The following KLHL2 variants were observed in gnomAD, a reference collection of about 807,000 sequenced individuals.
KLHL2 encodes kelch like family member 2.
In KLHL2, 15 loss-of-function variants were observed where a neutral mutation model predicts 75.8. That is an observed-to-expected ratio of 0.20 (90% CI 0.13 to 0.30). KLHL2 has a LOEUF of 0.30. Ranked by LOEUF, KLHL2 falls within the 10% of genes least tolerant of loss-of-function variation. The probability of loss-of-function intolerance (pLI) is 1.00; values close to 1 mark genes in which losing one functional copy is unlikely to be tolerated. For missense variants in KLHL2, 381 were observed against 741.0 expected (o/e 0.51, Z 5.64); for synonymous variants, 214 against 251.9 (o/e 0.85, Z 1.42).
Position 165,322,059 on chromosome 4 carries a change from G to A in KLHL2, c.1781G>A (p.Ter594=). The A allele has an allele frequency of 6.2e-7, 1 of 1,613,100 alleles. No individual in the cohort carries two copies. The highest frequency in any genetic ancestry group is 8.5e-7 in the Non-Finnish European group (1 of 1,179,192). Reference sequence around the variant, plus strand: ...GTCACAGTTATTGATAAACCATTATGAGCCTGAAGGACATTTTCAGCATAT... The same window carrying A: ...GTCACAGTTATTGATAAACCATTATAAGCCTGAAGGACATTTTCAGCATAT... The part of the protein sequence containing the change: ...AGVTVIDKPL[*] The change falls in exon 15 of 15, where the codon TGA becomes TAA. Residue 594 remains the stop codon, a stop_retained_variant. Transcript: ENST00000226725.
At chr4:165,250,642 C>T (rs1034546583) in intron 4 of KLHL2, among the ~76,000 whole-genome samples, 2 of 152,104 alleles carry the variant, frequency 1.3e-5, no homozygotes, top group African/African-American at 2.4e-5. Flanking sequence ...GCATTGAAAT[C>T]GTGTAAAAAT....
chr4:165,267,521 AG>A (rs1162459567), intron 5 of KLHL2, among the ~76,000 whole-genome samples: 1 of 152,172 alleles, frequency 6.6e-6, no homozygotes, highest in African/African-American at 2.4e-5. Flanking sequence ...TTTAGCATGA[AG>A]GGCTGTTGAA....
At chr4:165,256,169 A>G (rs1258209492) in intron 4 of KLHL2, among the ~76,000 whole-genome samples, 1 of 151,972 alleles carries the variant, frequency 6.6e-6, no homozygotes, top group Non-Finnish European at 1.5e-5. Context: ...GGTGTCTTCC[A>G]TTTCTCATGC....
rs547684188 is a variant in KLHL2 at position 165,309,950 on chromosome 4, A to G, written c.1040-603A>G. On this transcript the variant is annotated intron_variant, in intron 9 of 14. Transcript: ENST00000226725. ...TGAGTACAGGTTCAAGTAGTTGGAA[A>G]ATAATGGCTCATTATTTAAGCTTGT... Among the ~76,000 whole-genome samples the G allele has an allele frequency of 2.5e-3, 386 of 151,518 alleles. 1 individual carries two copies. The highest frequency in any genetic ancestry group is 4.5e-3 in the Non-Finnish European group (303 of 67,720).
intron 1 of KLHL2, among the ~76,000 whole-genome samples, chr4:165,216,351 C>T (rs1160051833): frequency 6.6e-6 from 1 of 152,144 alleles, no homozygotes; most frequent in Non-Finnish European, 1.5e-5. Flanking sequence ...CCTGGGAAAC[C>T]TCAACTATTT....
At chr4:165,239,029 A>C in intron 4 of KLHL2, 130 bp downstream of exon 4, 2 of 1,424,194 alleles carry the variant, frequency 1.4e-6, no homozygotes, top group East Asian at 2.5e-5. Flanking sequence ...ATTTCTAAAA[A>C]ATATTTGGAA....
chr4:165,320,008 AGGG>A (rs1746848541), intron 14 of KLHL2, among the ~76,000 whole-genome samples: 1 of 152,154 alleles, frequency 6.6e-6, no homozygotes, highest in Admixed American at 6.5e-5. Flanking sequence ...AATTTTGGAA[AGGG>A]GTTTGGCTCA....
At chr4:165,233,369 C>A (rs535201686) in intron 3 of KLHL2, among the ~76,000 whole-genome samples, 30 of 152,304 alleles carry the variant, frequency 2.0e-4, no homozygotes, top group African/African-American at 6.7e-4. Flanking sequence ...TTAACACATA[C>A]TTTGAGATTT....
rs1187799472 is a variant in KLHL2, at chr4:165,207,911, G to A, written c.26+9G>A. Reference sequence around the variant, plus strand: ...CCGCCGCTGCCTCCCGCGTGAGTGAGCGGGCGGGCGGGCTGCGCCGCTGCG... The same window carrying A: ...CCGCCGCTGCCTCCCGCGTGAGTGAACGGGCGGGCGGGCTGCGCCGCTGCG... On this transcript the variant is annotated intron_variant, in intron 1 of 14. Coordinates refer to ENST00000226725, the MANE Select transcript of KLHL2 (RefSeq NM_007246.4). The surrounding 1 kb of genome is among the most constrained non-coding windows in gnomAD (Gnocchi z 4.2). The A allele has an allele frequency of 5.0e-6, 7 of 1,412,886 alleles. No individual in the cohort carries two copies. In the South Asian group the frequency reaches 8.3e-5, roughly 17 times the overall value. 87.5% of individuals were successfully genotyped at this position (1,412,886 alleles called of 1,614,324 possible).
chr4:165,321,237 A>G (rs1579202348), intron 14 of KLHL2: 1 of 454,824 alleles, frequency 2.2e-6, no homozygotes, highest in African/African-American at 2.0e-5. Flanking sequence ...CTTCCCTTCC[A>G]CCTCCTCCAC....
intron 3 of KLHL2, among the ~76,000 whole-genome samples, chr4:165,233,209 A>G (rs1739054840): frequency 1.3e-5 from 2 of 152,242 alleles, no homozygotes; most frequent in Admixed American, 1.3e-4. Context: ...TCTGTGAAGT[A>G]GTCACAGGGT....
chr4:165,310,945 G>C (rs1246478145), intron 10 of KLHL2, among the ~76,000 whole-genome samples, 195 bp downstream of exon 10: 4 of 149,246 alleles, frequency 2.7e-5, no homozygotes, highest in Admixed American at 1.3e-4. Flanking sequence ...AGCTCCGCCT[G>C]CCGGGTTCAT....
chr4:165,239,016 T>C (rs1739588872), intron 4 of KLHL2, 117 bp downstream of exon 4: 1 of 1,462,852 alleles, frequency 6.8e-7, no homozygotes, highest in African/African-American at 1.4e-5. Flanking sequence ...TTGTGAAAAT[T>C]GTATTTCTAA....
At chr4:165,209,671 G>A (rs1737068074) in intron 1 of KLHL2, among the ~76,000 whole-genome samples, 1 of 152,204 alleles carries the variant, frequency 6.6e-6, no homozygotes, top group Non-Finnish European at 1.5e-5. Flanking sequence ...AACAATGAGA[G>A]GCTGAGATAT....
At chr4:165,318,310 A>G (rs1003629002) in intron 14 of KLHL2, among the ~76,000 whole-genome samples, 14 of 152,196 alleles carry the variant, frequency 9.2e-5, no homozygotes, top group African/African-American at 3.4e-4. Context: ...GGATTCCTAC[A>G]TCTCCCCATG....
intron 2 of KLHL2, among the ~76,000 whole-genome samples, chr4:165,221,528 G>A (rs1737992970): frequency 6.6e-6 from 1 of 152,210 alleles, no homozygotes; most frequent in South Asian, 2.1e-4. Flanking sequence ...AATCACACAG[G>A]AGAGGCAGCT....
intron 1 of KLHL2, among the ~76,000 whole-genome samples, chr4:165,219,442 G>A (rs1340607543): frequency 1.3e-5 from 2 of 152,096 alleles, no homozygotes; most frequent in East Asian, 1.9e-4. Flanking sequence ...GATTAATCTC[G>A]ATTAATCTCT....
chr4:165,322,275 A>C lies in KLHL2; in HGVS notation c.*215A>C, dbSNP rs1747043194. 1.9e-6 allele frequency: 1 copy of C among 539,338 alleles called. No homozygotes were observed. 33.4% of individuals were successfully genotyped at this position (539,338 alleles called of 1,614,324 possible). A position where few individuals can be genotyped will look rare whatever the true frequency, so the allele number is the denominator to read the frequency against. On this transcript the variant is annotated 3_prime_UTR_variant, in exon 15 of 15. Transcript: ENST00000226725. ...TTCTGCAATGAGCAGCAGCTGACTG[A>C]ATTTTCATAAGAAACTTGGACTGCA...
chr4:165,311,587 A>G (rs778646572), intron 11 of KLHL2, 22 bp downstream of exon 11: 1 of 1,546,876 alleles, frequency 6.5e-7, no homozygotes, highest in South Asian at 1.1e-5. Context: ...CAGTTCTTTC[A>G]GGTACATGTG....
Sources: allele counts gnomAD v4.1 joint callset (sites outside exome capture counted in the v4.1 genomes callset), GRCh38; gene constraint gnomAD v4.1.1; non-coding constraint Gnocchi (gnomAD v3.1); transcripts MANE v1.5; gene names NCBI Gene and HGNC (gene_info 2026-07-23, HGNC 2026-07-21).